KCNH5: variants seen among roughly 807,000 people sequenced by gnomAD.
KCNH5 encodes the protein voltage-gated delayed rectifier potassium channel KCNH5.
KCNH5 carries 46 observed loss-of-function variants against 96.1 expected under a neutral mutation model. The observed-to-expected ratio is 0.48, with a 90% CI of 0.38 to 0.61. The LOEUF (loss-of-function observed/expected upper bound fraction) is 0.61, where lower values mean the gene tolerates loss of function less well. Ranked by LOEUF, KCNH5 falls within the 20% of genes least tolerant of loss-of-function variation. The probability of loss-of-function intolerance (pLI) is 0.00; values close to 1 mark genes in which losing one functional copy is unlikely to be tolerated. For synonymous variants in KCNH5, 439 were observed against 449.8 expected (o/e 0.98, Z 0.30); for missense variants, 907 against 1,225.8 (o/e 0.74, Z 3.88).
At chr14:62,833,989 G>C (rs1887414647) in intron 8 of KCNH5, among the ~76,000 whole-genome samples, 1 of 151,966 alleles carries the variant, frequency 6.6e-6, no homozygotes, top group South Asian at 2.1e-4. Flanking sequence ...TAACAAATCT[G>C]CCTGTATCAA....
intron 8 of KCNH5, among the ~76,000 whole-genome samples, chr14:62,831,609 T>G (rs905909292): frequency 6.6e-6 from 1 of 152,236 alleles, no homozygotes; most frequent in African/African-American, 2.4e-5. Flanking sequence ...CTTTATGTAT[T>G]GTGTTGCTAA....
At chr14:62,749,289 G>C (rs1211502405) in intron 10 of KCNH5, among the ~76,000 whole-genome samples, 5 of 152,170 alleles carry the variant, frequency 3.3e-5, no homozygotes, top group Non-Finnish European at 7.3e-5. Flanking sequence ...TTGGCTCACA[G>C]GAATAAACAA....
chr14:62,861,438 T>G (rs1239466936), intron 7 of KCNH5, among the ~76,000 whole-genome samples: 1 of 151,982 alleles, frequency 6.6e-6, no homozygotes, highest in Non-Finnish European at 1.5e-5. Context: ...CCTGGCTCAT[T>G]TTTTTGTACA....
At chr14:62,716,314 C>T (rs922883256) in intron 10 of KCNH5, among the ~76,000 whole-genome samples, 13 of 152,246 alleles carry the variant, frequency 8.5e-5, no homozygotes, top group African/African-American at 2.6e-4. Context: ...TTTTTAGTCT[C>T]GTTTTTCTTC....
chr14:62,793,844 A>C (rs2139991395), intron 9 of KCNH5, among the ~76,000 whole-genome samples: 3 of 152,042 alleles, frequency 2.0e-5, no homozygotes, highest in Middle Eastern at 6.8e-3. Context: ...AAATGAAGTA[A>C]GTGTATACAG....
At chr14:62,939,544 C>T (rs1889748514) in intron 7 of KCNH5, among the ~76,000 whole-genome samples, 1 of 152,200 alleles carries the variant, frequency 6.6e-6, no homozygotes. Context: ...CTTCATCATA[C>T]ATTCAGCTGA....
At chr14:62,733,276 G>A (rs531625061) in intron 10 of KCNH5, among the ~76,000 whole-genome samples, 5 of 152,192 alleles carry the variant, frequency 3.3e-5, no homozygotes, top group South Asian at 2.1e-4. Context: ...GGTATTTGAA[G>A]ACGAATTAGT....
At chr14:62,920,463 G>A (rs1889359113) in intron 7 of KCNH5, among the ~76,000 whole-genome samples, 1 of 152,064 alleles carries the variant, frequency 6.6e-6, no homozygotes, top group African/African-American at 2.4e-5. Context: ...TGTGCTAAGT[G>A]CTAGGCTTAT....
At chr14:62,935,989 T>G (rs1000156475) in intron 7 of KCNH5, among the ~76,000 whole-genome samples, 11 of 152,112 alleles carry the variant, frequency 7.2e-5, no homozygotes, top group African/African-American at 2.7e-4. Flanking sequence ...AGCAATGCAG[T>G]AACATGATCC....
At chr14:63,006,807 T>G (rs949575576) in intron 2 of KCNH5, among the ~76,000 whole-genome samples, 1 of 152,168 alleles carries the variant, frequency 6.6e-6, no homozygotes, top group African/African-American at 2.4e-5. Context: ...CAGATGCACC[T>G]TCACAACCAG....
intron 10 of KCNH5, among the ~76,000 whole-genome samples, chr14:62,777,881 A>T (rs566685219): frequency 3.5e-5 from 5 of 141,986 alleles, no homozygotes; most frequent in Non-Finnish European, 7.9e-5. Context: ...GTGTGTGTGT[A>T]AGAGAAAAAG....
chr14:62,972,083 GA>G (rs1181392578), intron 6 of KCNH5, among the ~76,000 whole-genome samples: 1 of 151,958 alleles, frequency 6.6e-6, no homozygotes, highest in Non-Finnish European at 1.5e-5. Flanking sequence ...CAAACTGAGA[GA>G]AAATATTTGC....
intron 10 of KCNH5, chr14:62,712,535 C>T: frequency 1.5e-6 from 1 of 658,528 alleles, no homozygotes; most frequent in Non-Finnish European, 2.8e-6. Flanking sequence ...GATGCAAATC[C>T]AAGGGGTCAG....
rs369731532 is a variant in KCNH5, at chr14:62,948,041, T to C, written c.1369+2092A>G. Among the ~76,000 whole-genome samples, 61 of 150,986 alleles carry C rather than the reference T, an allele frequency of 4.0e-4. 4 individuals carry two copies. The South Asian group carries it at 7.6e-3, about 19-fold the overall frequency. ...CCCTTCCTGTGTCCATGTAATCTCATTGTTCAATTCCCACCTATGAGTGAG... is the reference window on the plus strand; with the variant it reads ...CCCTTCCTGTGTCCATGTAATCTCACTGTTCAATTCCCACCTATGAGTGAG... On this transcript the variant is annotated intron_variant, in intron 7 of 10. Transcript: ENST00000322893.
chr14:63,008,106 T>A (rs189294719), intron 2 of KCNH5, among the ~76,000 whole-genome samples: 150 of 152,294 alleles, frequency 9.8e-4, no homozygotes, highest in Non-Finnish European at 2.0e-3. Flanking sequence ...ACACCTTAAC[T>A]AAGATTTTGA....
At chr14:62,871,683 T>C (rs1310976194) in intron 7 of KCNH5, among the ~76,000 whole-genome samples, 1 of 152,168 alleles carries the variant, frequency 6.6e-6, no homozygotes, top group Non-Finnish European at 1.5e-5. Flanking sequence ...ATGTGCATTA[T>C]AGCTTGTTAT....
At chr14:62,961,412 G>A (rs1395268368) in intron 6 of KCNH5, among the ~76,000 whole-genome samples, 1 of 152,068 alleles carries the variant, frequency 6.6e-6, no homozygotes, top group Non-Finnish European at 1.5e-5. Context: ...TCAGGACTGG[G>A]CTTAAAAATG....
rs567732120 is a variant in KCNH5, at chr14:62,903,457, A to C, written c.1369+46676T>G. 2.6e-5 allele frequency among the ~76,000 whole-genome samples: 4 copies of C among 152,348 alleles called. No homozygotes were observed. In the South Asian group the frequency reaches 8.3e-4, roughly 32 times the overall value. On this transcript the variant is annotated intron_variant, in intron 7 of 10. Coordinates refer to ENST00000322893, the MANE Select transcript of KCNH5 (RefSeq NM_139318.5). ...ACATACTATTCTCAAATTGGAAAAA[A>C]ATATGAGAACTAGGAGGACAGTTAA...
At chr14:62,984,556 A>G (rs1594659499) in intron 5 of KCNH5, among the ~76,000 whole-genome samples, 1 of 152,166 alleles carries the variant, frequency 6.6e-6, no homozygotes, top group African/African-American at 2.4e-5. Flanking sequence ...TGTTATACTT[A>G]TTTGGTATTT....
Sources: gnomAD v4.1 joint callset for allele counts (sites outside exome capture counted in the v4.1 genomes callset) on GRCh38, gnomAD v4.1.1 for gene constraint, MANE v1.5 for transcripts, NCBI Gene and HGNC (gene_info 2026-07-23, HGNC 2026-07-21) for gene names.